TEX11: variants seen among roughly 807,000 people sequenced by gnomAD.
The protein encoded by TEX11 is testis-expressed protein 11.
A neutral mutation model predicts 84.4 loss-of-function variants in TEX11; 7 were observed. The ratio of observed to expected loss-of-function variants is 0.08; its 90% CI spans 0.05 to 0.16. The LOEUF (loss-of-function observed/expected upper bound fraction) is 0.16. TEX11 is among the 10% of genes least tolerant of loss of function. The pLI is 1.00. For missense variants in TEX11, 551 were observed against 660.5 expected, an observed-to-expected ratio of 0.83 and a Z score of 1.82; for synonymous variants, 264 against 222.8, an observed-to-expected ratio of 1.18 and a Z score of -1.64.
At chrX:70,856,989 G>A (rs2091540157) in intron 5 of TEX11, among the ~76,000 whole-genome samples, 1 of 111,323 alleles carries the variant, frequency 9.0e-6, no homozygotes, top group Non-Finnish European at 1.9e-5. Context: ...TATTTGATTT[G>A]GGGAAATCTT....
At chrX:70,630,329 AAG>A (rs2089497030) in intron 17 of TEX11, among the ~76,000 whole-genome samples, 1 of 105,478 alleles carries the variant, frequency 9.5e-6, no homozygotes, top group Non-Finnish European at 2.0e-5. Context: ...AAAAAAAAAA[AAG>A]AGTAAAATAT....
At chrX:70,605,839 A>C (rs746358265) in intron 23 of TEX11, among the ~76,000 whole-genome samples, 14 of 111,473 alleles carry the variant, frequency 1.3e-4, no homozygotes, top group Non-Finnish European at 2.5e-4. Flanking sequence ...GTAATTTGTA[A>C]GTGATTTTTC....
intron 21 of TEX11, 48 bp from the exon 22 acceptor site, chrX:70,609,225 T>C: frequency 9.2e-7 from 1 of 1,083,580 alleles, no homozygotes; most frequent in Non-Finnish European, 1.3e-6. Flanking sequence ...TTTTATACTC[T>C]AGCAAAATTG....
chrX:70,629,664 C>T lies in TEX11; in HGVS notation c.1555G>A (p.Glu519Lys), dbSNP rs1175422491. 1 of 1,203,240 alleles carries T rather than the reference C, an allele frequency of 8.3e-7. No homozygotes were observed. The highest frequency in any genetic ancestry group is 1.1e-6 in the Non-Finnish European group (1 of 888,497). ...EESEDNDLVA[E>K]RGSPTMLLSL... is the part of the protein sequence containing the mutation. ...AGAAGCATGGTAGGTGAACCTCTCT[C>T]TGCAACTAGATCATTATCTTCTGAC... The change falls in exon 18 of 30, where the codon GAG becomes AAG. Residue 519 changes from glutamate to lysine, a missense_variant. Glu to Lys is a moderately conservative substitution (Grantham distance 56). Coordinates refer to ENST00000374333, the MANE Select transcript of TEX11 (RefSeq NM_031276.3).
chrX:70,731,237 A>C (rs2090647468), intron 11 of TEX11, among the ~76,000 whole-genome samples: 1 of 111,831 alleles, frequency 8.9e-6, no homozygotes, highest in Non-Finnish European at 1.9e-5. Flanking sequence ...CATCACAATT[A>C]AAAGAATTAC....
chrX:70,755,865 C>T (rs1206095080), intron 9 of TEX11, among the ~76,000 whole-genome samples: 1 of 112,231 alleles, frequency 8.9e-6, no homozygotes, highest in Non-Finnish European at 1.9e-5. Context: ...ACAGTCTGTA[C>T]CTGGAGGAAT....
At chrX:70,550,778 G>A (rs1051050812) in intron 28 of TEX11, among the ~76,000 whole-genome samples, 8 of 111,513 alleles carry the variant, frequency 7.2e-5, no homozygotes, top group African/African-American at 2.6e-4. Flanking sequence ...GTGGAGAAAA[G>A]GGAACCCTTG....
chrX:70,551,114 C>T (rs1161054347), intron 28 of TEX11, among the ~76,000 whole-genome samples: 1 of 111,234 alleles, frequency 9.0e-6, no homozygotes, highest in East Asian at 2.8e-4. Context: ...ATGGATGGAA[C>T]TGGAGGTCAG....
At chrX:70,576,332 T>C (rs774878667) in intron 25 of TEX11, among the ~76,000 whole-genome samples, 12 of 112,314 alleles carry the variant, frequency 1.1e-4, no homozygotes, top group South Asian at 7.4e-4. Context: ...TAATGATTTA[T>C]TTACATTACT....
At chrX:70,877,838 A>G (rs2091663368) in intron 3 of TEX11, among the ~76,000 whole-genome samples, 1 of 111,811 alleles carries the variant, frequency 8.9e-6, no homozygotes. Context: ...AAATTTATAG[A>G]GAGAGAAAGT....
At chrX:70,629,930 G>A (rs1049075514) in intron 17 of TEX11, among the ~76,000 whole-genome samples, 195 bp from the exon 18 acceptor site, 1 of 112,132 alleles carries the variant, frequency 8.9e-6, no homozygotes, top group Non-Finnish European at 1.9e-5. Context: ...CTGAGCAACT[G>A]CACATGCACT....
chrX:70,863,004 G>A (rs1391376093), intron 4 of TEX11, among the ~76,000 whole-genome samples: 1 of 110,634 alleles, frequency 9.0e-6, no homozygotes, highest in Non-Finnish European at 1.9e-5. Flanking sequence ...TGCCTCTCTA[G>A]ATTCCTCCTC....
At chrX:70,908,489 C>T (rs908863270) in intron 1 of TEX11, among the ~76,000 whole-genome samples, 165 bp downstream of exon 1, 2 of 112,542 alleles carry the variant, frequency 1.8e-5, no homozygotes, top group African/African-American at 3.2e-5. Flanking sequence ...CATCTTCGTT[C>T]GCCTTGAGAG....
At chrX:70,623,326 T>C (rs2089415841) in intron 20 of TEX11, among the ~76,000 whole-genome samples, 1 of 111,665 alleles carries the variant, frequency 9.0e-6, no homozygotes, top group Admixed American at 9.6e-5. Context: ...GGTAGTGAGA[T>C]TTGTGAACGA....
At chrX:70,881,005 CAAAAAAAAAAAAAAAA>C (rs11284342) in intron 2 of TEX11, among the ~76,000 whole-genome samples, 10 of 46,246 alleles carry the variant, frequency 2.2e-4, no homozygotes, top group Non-Finnish European at 3.7e-4. Flanking sequence ...AGACATCATC[CAAAAAAAAAAAAAAAA>C]AAAAAAAAAC....
rs767444443 is a variant in TEX11 at position 70,732,124 on chromosome X, G to A, written c.844-6781C>T. Among the ~76,000 whole-genome samples the A allele has an allele frequency of 1.1e-4, 12 of 111,302 alleles. 1 individual carries two copies. The highest frequency in any genetic ancestry group is 2.3e-4 in the Non-Finnish European group (12 of 53,054). ...AACAACCCTTCATGCTAAAAACTCT[G>A]AATAAATTAGGTATTGATGGGATGT... is the stretch of plus-strand genomic sequence containing the variant. On this transcript the variant is annotated intron_variant, in intron 11 of 29. Transcript: ENST00000374333.
intron 25 of TEX11, among the ~76,000 whole-genome samples, chrX:70,571,535 T>C (rs2088598653): frequency 8.9e-6 from 1 of 112,289 alleles, no homozygotes; most frequent in African/African-American, 3.2e-5. Context: ...TTTGATGTCA[T>C]ATTTCATTTT....
chrX:70,734,871 G>T (rs1024886489), intron 11 of TEX11, among the ~76,000 whole-genome samples: 2 of 111,582 alleles, frequency 1.8e-5, no homozygotes, highest in Non-Finnish European at 1.9e-5. Context: ...TAAACCCACA[G>T]CTAACACCAT....
intron 17 of TEX11, among the ~76,000 whole-genome samples, chrX:70,642,449 G>T (rs1170868828): frequency 9.2e-6 from 1 of 109,214 alleles, no homozygotes; most frequent in East Asian, 2.9e-4. Context: ...TACCAAAGCC[G>T]GGCAGAGACA....
Sources: gnomAD v4.1 joint callset for allele counts (sites outside exome capture counted in the v4.1 genomes callset) on GRCh38, gnomAD v4.1.1 for gene constraint, MANE v1.5 for transcripts, NCBI Gene and HGNC (gene_info 2026-07-23, HGNC 2026-07-21) for gene names.